CNTN5: variants seen among roughly 807,000 people sequenced by gnomAD.
CNTN5 encodes contactin-5.
CNTN5 carries 77 observed loss-of-function variants against 129.1 expected under a neutral mutation model. The observed-to-expected ratio is 0.60, with a 90% CI of 0.50 to 0.72. The LOEUF is 0.72. Ranked by LOEUF, CNTN5 falls within the 30% of genes least tolerant of loss-of-function variation. The pLI is 0.00. For synonymous variants in CNTN5, 509 were observed against 465.6 expected, an observed-to-expected ratio of 1.09 and a Z score of -1.20; for missense variants, 1,478 against 1,328.8, an observed-to-expected ratio of 1.11 and a Z score of -1.75.
intron 1 of CNTN5, among the ~76,000 whole-genome samples, chr11:99,173,737 C>A (rs941170519): frequency 6.6e-6 from 1 of 152,094 alleles, no homozygotes; most frequent in Non-Finnish European, 1.5e-5. Context: ...ACTCAACAAT[C>A]GGAATCAGAG....
intron 3 of CNTN5, among the ~76,000 whole-genome samples, chr11:99,724,794 G>T (rs188952616): frequency 1.3e-5 from 2 of 152,280 alleles, no homozygotes; most frequent in Non-Finnish European, 2.9e-5. Flanking sequence ...GACTAAAGGA[G>T]TGAATGTCCC....
chr11:99,246,114 C>A (rs182255894), intron 1 of CNTN5, among the ~76,000 whole-genome samples: 4 of 152,226 alleles, frequency 2.6e-5, no homozygotes, highest in Admixed American at 2.6e-4. Flanking sequence ...TATTAATTTA[C>A]TTTATTTTAC....
rs71474513 is a variant in CNTN5 at position 99,200,843 on chromosome 11, C to T, written c.-209-124503C>T. The stretch of plus-strand genomic sequence containing the variant: ...AGAGGTGATTAGCTAGATAATATAC[C>T]CTTGGATTGGCTTGCCTTCCTCACC... On this transcript the variant is annotated intron_variant, in intron 1 of 24. Transcript: ENST00000524871. Among the ~76,000 whole-genome samples the T allele has an allele frequency of 9.5e-3, 1,441 of 152,084 alleles. 7 individuals carry two copies. Among genetic ancestry groups the T allele is most frequent in the Non-Finnish European group, 0.015 (1,041 of 67,984 alleles).
At chr11:99,076,163 G>A (rs765171299) in intron 1 of CNTN5, among the ~76,000 whole-genome samples, 1 of 151,852 alleles carries the variant, frequency 6.6e-6, no homozygotes, top group African/African-American at 2.4e-5. Context: ...GTGAAACCCT[G>A]TCTCCACTGA....
chr11:99,941,320 G>A (rs1950429596), intron 7 of CNTN5, among the ~76,000 whole-genome samples: 2 of 151,778 alleles, frequency 1.3e-5, no homozygotes, highest in African/African-American at 2.4e-5. Context: ...CTTATAAAGA[G>A]GTAAACTTTA....
At chr11:99,025,375 C>T (rs1043211379) in intron 1 of CNTN5, among the ~76,000 whole-genome samples, 1 of 151,826 alleles carries the variant, frequency 6.6e-6, no homozygotes, top group South Asian at 2.1e-4. Flanking sequence ...AATTCTCTTT[C>T]ATAACCATTG....
chr11:99,722,169 G>A (rs1215322314), intron 3 of CNTN5, among the ~76,000 whole-genome samples: 1 of 152,116 alleles, frequency 6.6e-6, no homozygotes, highest in Non-Finnish European at 1.5e-5. Context: ...AATCCATAAA[G>A]ATATATGCAT....
At chr11:99,271,805 T>G (rs1278488049) in intron 1 of CNTN5, among the ~76,000 whole-genome samples, 1 of 151,810 alleles carries the variant, frequency 6.6e-6, no homozygotes, top group African/African-American at 2.4e-5. Flanking sequence ...AGCTTGAGTG[T>G]CCTCAGTGCT....
At chr11:100,109,300 C>T (rs1486714933) in intron 13 of CNTN5, among the ~76,000 whole-genome samples, 1 of 152,138 alleles carries the variant, frequency 6.6e-6, no homozygotes, top group East Asian at 1.9e-4. Flanking sequence ...TTGACAGGCG[C>T]TTGTAATCCC....
intron 8 of CNTN5, among the ~76,000 whole-genome samples, chr11:99,959,577 C>A (rs1289588170): frequency 6.6e-6 from 1 of 152,148 alleles, no homozygotes; most frequent in Admixed American, 6.5e-5. Flanking sequence ...TAACAGAATT[C>A]TAGGTCACTA....
At chr11:99,494,177 A>C (rs975970896) in intron 2 of CNTN5, among the ~76,000 whole-genome samples, 1 of 152,164 alleles carries the variant, frequency 6.6e-6, no homozygotes, top group African/African-American at 2.4e-5. Flanking sequence ...CTCCGTAGTA[A>C]TCGACCAAAT....
intron 3 of CNTN5, among the ~76,000 whole-genome samples, chr11:99,670,775 G>A (rs563108655): frequency 1.3e-5 from 2 of 152,254 alleles, no homozygotes; most frequent in Admixed American, 6.5e-5. Context: ...CCATAGGTTT[G>A]CATCTTATCC....
chr11:100,062,854 G>A (rs1229256545), intron 10 of CNTN5, among the ~76,000 whole-genome samples: 4 of 152,114 alleles, frequency 2.6e-5, no homozygotes, highest in Non-Finnish European at 2.9e-5. Flanking sequence ...TTAAGACAAC[G>A]CTCTCTAGCC....
intron 9 of CNTN5, among the ~76,000 whole-genome samples, chr11:100,055,437 T>C (rs1229413282): frequency 6.6e-6 from 1 of 151,770 alleles, no homozygotes; most frequent in Non-Finnish European, 1.5e-5. Context: ...GTCATTATTC[T>C]CCTTCTTGAA....
chr11:99,357,137 G>C (rs183430748), intron 2 of CNTN5, among the ~76,000 whole-genome samples: 1 of 151,886 alleles, frequency 6.6e-6, no homozygotes, highest in East Asian at 1.9e-4. Context: ...AATTTGATCA[G>C]GGATGCTTCG....
In CNTN5 at chr11:99,165,080, A is replaced by G. The variant is rs1860809359; in HGVS notation, c.-210+143810A>G. ...TTCTTTAAATAATCTGGTTTATACC[A>G]GTGGTTTAATGAATGCATTTTTGGT... On this transcript the variant is annotated intron_variant, in intron 1 of 24. Transcript: ENST00000524871. 2.6e-5 allele frequency among the ~76,000 whole-genome samples: 4 copies of G among 152,170 alleles called. No individual in the cohort carries two copies. The South Asian group carries it at 8.3e-4, about 31-fold the overall frequency.
rs114461142 is a variant in CNTN5, at chr11:99,378,962, G to C, written c.-71+53478G>C. On this transcript the variant is annotated intron_variant, in intron 2 of 24. Coordinates refer to ENST00000524871, the MANE Select transcript of CNTN5 (RefSeq NM_014361.4). ...GCAAGACATATCAATGAGATAGTTT[G>C]ACATGAATTCATAAGTCTTTTTTTA... Among the ~76,000 whole-genome samples, 507 of 152,072 alleles carry C rather than the reference G, an allele frequency of 3.3e-3. 3 individuals are homozygous for C. The highest frequency in any genetic ancestry group is 0.011 in the African/African-American group (465 of 41,514).
chr11:99,486,612 A>G (rs1945824453), intron 2 of CNTN5, among the ~76,000 whole-genome samples: 2 of 152,214 alleles, frequency 1.3e-5, no homozygotes, highest in Non-Finnish European at 2.9e-5. Flanking sequence ...AAATTGAAAT[A>G]TAAAACACAA....
rs114888206 is a variant in CNTN5 at position 99,881,657 on chromosome 11, G to C, written c.578-34397G>C. ...TGTTATTTTTAAAATAAAATAAAGG[G>C]GGGGAGCTGGCTTAGTAAGTGCTGC... is the stretch of plus-strand genomic sequence containing the variant. On this transcript the variant is annotated intron_variant, in intron 6 of 24. Transcript: ENST00000524871. Among the ~76,000 whole-genome samples, 9 of 152,268 alleles carry C rather than the reference G, an allele frequency of 5.9e-5. No homozygotes were observed. In the East Asian group the frequency reaches 1.4e-3, roughly 23 times the overall value.
Sources: gnomAD v4.1 joint callset for allele counts (sites outside exome capture counted in the v4.1 genomes callset) on GRCh38, gnomAD v4.1.1 for gene constraint, MANE v1.5 for transcripts, NCBI Gene and HGNC (gene_info 2026-07-23, HGNC 2026-07-21) for gene names.